AMOT: variants seen among roughly 807,000 people sequenced by gnomAD.
AMOT encodes the protein angiomotin.
A neutral mutation model predicts 67.0 loss-of-function variants in AMOT; 11 were observed. That is an observed-to-expected ratio of 0.16 (90% confidence interval 0.10 to 0.27). The LOEUF (loss-of-function observed/expected upper bound fraction) is 0.27. Among genes scored for constraint, AMOT ranks in the 10% least tolerant of loss-of-function variants. The pLI, the probability that AMOT is intolerant of heterozygous loss-of-function variation, is 1.00. For synonymous variants in AMOT, 326 were observed against 321.4 expected (o/e 1.01, Z -0.15); for missense variants, 753 against 852.0 (o/e 0.88, Z 1.45).
intron 10 of AMOT, among the ~76,000 whole-genome samples, chrX:112,786,804 G>C (rs776419000): frequency 8.9e-6 from 1 of 112,159 alleles, no homozygotes; most frequent in South Asian, 3.7e-4. Context: ...TAAATAAAAT[G>C]AAAGAAATAA....
intron 4 of AMOT, among the ~76,000 whole-genome samples, chrX:112,819,055 A>T (rs962678371): frequency 2.7e-5 from 3 of 110,767 alleles, no homozygotes; most frequent in African/African-American, 9.9e-5. Flanking sequence ...CAAAGCTGGG[A>T]AGTGGGGTAG....
At chrX:112,823,726 T>C (rs1465903444) in intron 3 of AMOT, among the ~76,000 whole-genome samples, 2 of 112,287 alleles carry the variant, frequency 1.8e-5, no homozygotes, top group Non-Finnish European at 3.8e-5. Flanking sequence ...CCTGCCTCGA[T>C]GCAAATCTTT....
chrX:112,836,328 C>T (rs189742827), intron 1 of AMOT, among the ~76,000 whole-genome samples: 106 of 111,874 alleles, frequency 9.5e-4, no homozygotes, highest in African/African-American at 3.3e-3. Flanking sequence ...AATTAACAGC[C>T]TTGCTAGATA....
intron 10 of AMOT, 24 bp downstream of exon 10, chrX:112,790,568 A>G: frequency 8.6e-7 from 1 of 1,164,789 alleles, no homozygotes; most frequent in Non-Finnish European, 1.1e-6. Flanking sequence ...CTTCCCACTC[A>G]TGCCCTACCA....
intron 10 of AMOT, among the ~76,000 whole-genome samples, chrX:112,788,754 A>C (rs1465099597): frequency 1.8e-5 from 2 of 112,413 alleles, no homozygotes; most frequent in Non-Finnish European, 3.8e-5. Flanking sequence ...GAACTATTGG[A>C]AAGTGTTCTT....
chrX:112,836,199 C>T (rs977699958), intron 1 of AMOT, among the ~76,000 whole-genome samples: 3 of 111,723 alleles, frequency 2.7e-5, no homozygotes, highest in Admixed American at 9.5e-5. Flanking sequence ...GGGATTTCAC[C>T]ATACAGTGAC....
Position 112,805,178 on chromosome X carries a change from C to A in AMOT, c.1631-86G>T. ...CAAAATTGACACATCATACCCTTTACTAGATAGCCTACTGCTCTAGTGCAC... is the reference window on the plus strand; with the variant it reads ...CAAAATTGACACATCATACCCTTTAATAGATAGCCTACTGCTCTAGTGCAC... On this transcript the variant is annotated intron_variant, in intron 7 of 13. Coordinates refer to ENST00000371959, the MANE Select transcript of AMOT (RefSeq NM_001113490.2). 5 of 1,079,339 alleles carry A rather than the reference C, an allele frequency of 4.6e-6. No homozygotes were observed. In the Admixed American group the frequency reaches 1.2e-4, roughly 25 times the overall value. 88.9% of individuals were successfully genotyped at this position (1,079,339 alleles called of 1,213,427 possible).
At chrX:112,821,685 G>A (rs1014788221) in intron 4 of AMOT, among the ~76,000 whole-genome samples, 1 of 111,659 alleles carries the variant, frequency 9.0e-6, no homozygotes, top group Non-Finnish European at 1.9e-5. Context: ...TAAACTGCAA[G>A]CATAAGGCAA....
chrX:112,801,735 T>A (rs1470684103), intron 8 of AMOT, among the ~76,000 whole-genome samples: 3 of 112,273 alleles, frequency 2.7e-5, no homozygotes, highest in Non-Finnish European at 5.6e-5. Flanking sequence ...GAGAAAGACA[T>A]AAATAAATGC....
chrX:112,805,211 G>A lies in AMOT; in HGVS notation c.1631-119C>T. 4 of 847,430 alleles carry A rather than the reference G, an allele frequency of 4.7e-6. No individual in the cohort carries two copies. The South Asian group carries it at 1.2e-4, about 24-fold the overall frequency. The allele number at this position is 847,430 out of a possible 1,213,427, so 69.8% of individuals were successfully genotyped here. A position where few individuals can be genotyped will look rare whatever the true frequency, so the allele number is the denominator to read the frequency against. ...CCTACTGCTCTAGTGCACAGCTGAA[G>A]AACCAGTATACCCAAGATCTGGACT... On this transcript the variant is annotated intron_variant, in intron 7 of 13. Coordinates refer to ENST00000371959, the MANE Select transcript of AMOT (RefSeq NM_001113490.2).
chrX:112,807,630 A>G (rs947906487), intron 7 of AMOT, among the ~76,000 whole-genome samples: 1 of 111,935 alleles, frequency 8.9e-6, no homozygotes, highest in Non-Finnish European at 1.9e-5. Context: ...ACAATGCTAG[A>G]TGGTAAAACA....
chrX:112,775,515 A>T lies in AMOT; in HGVS notation c.*3052T>A, dbSNP rs1179690380. Reference sequence around the variant, plus strand: ...CACCCAACAGTGTAACAACAAAAAGAGAACATGATGGGTCTCTGGGTATCT... The same window carrying T: ...CACCCAACAGTGTAACAACAAAAAGTGAACATGATGGGTCTCTGGGTATCT... On this transcript the variant is annotated 3_prime_UTR_variant, in exon 14 of 14. Coordinates refer to ENST00000371959, the MANE Select transcript of AMOT (RefSeq NM_001113490.2). 1 of 112,293 alleles carries T rather than the reference A, an allele frequency of 8.9e-6. No homozygotes were observed. Among genetic ancestry groups the T allele is most frequent in the Non-Finnish European group, 1.9e-5 (1 of 53,222 alleles). The allele number at this position is 112,293 out of a possible 1,213,427, so 9.3% of individuals were successfully genotyped here.
chrX:112,809,547 AAC>A (rs1015400752), intron 7 of AMOT, among the ~76,000 whole-genome samples: 5 of 111,467 alleles, frequency 4.5e-5, no homozygotes, highest in African/African-American at 1.6e-4. Flanking sequence ...TACCAGAGCC[AAC>A]ACACAGTTTC....
chrX:112,806,318 CACACGTTTTATACATATGTATATAT>C (rs1269407997), intron 7 of AMOT, among the ~76,000 whole-genome samples: 1 of 102,726 alleles, frequency 9.7e-6, no homozygotes, highest in Non-Finnish European at 2.0e-5. Context: ...TGCTTACACA[CACACGTTTTATACATATGTATATAT>C]ACATATGTAT....
At chrX:112,838,379 T>C (rs1935183410) in intron 1 of AMOT, among the ~76,000 whole-genome samples, 1 of 111,968 alleles carries the variant, frequency 8.9e-6, no homozygotes, top group African/African-American at 3.3e-5. Context: ...GACACCCTTT[T>C]AAAGAAGGCG....
In AMOT at chrX:112,822,401, A is replaced by G. The variant is rs1259348695; in HGVS notation, c.726T>C (p.Tyr242=). Residue 242 remains tyrosine, a synonymous_variant, in exon 4 of 14, where the codon TAT becomes TAC. Coordinates refer to ENST00000371959, the MANE Select transcript of AMOT (RefSeq NM_001113490.2). ...ATTGGGGTGGCATGCCCTTGAAGGG[A>G]TATTCTGGTGGGGGGCCTCGGTGTT... ...GMEHRGPPPE[Y]PFKGMPPQSV... 2 of 1,165,167 alleles carry G rather than the reference A, an allele frequency of 1.7e-6. No homozygotes were observed. The highest frequency in any genetic ancestry group is 6.5e-5 in the East Asian group (2 of 30,659).
At chrX:112,811,146 G>A in intron 6 of AMOT, 103 bp downstream of exon 6, 1 of 1,096,903 alleles carries the variant, frequency 9.1e-7, no homozygotes, top group Non-Finnish European at 1.2e-6. Flanking sequence ...ATACCGGTGG[G>A]TTGGACAACC....
chrX:112,837,336 T>C lies in AMOT; in HGVS notation c.-289+3116A>G, dbSNP rs548313431. Among the ~76,000 whole-genome samples the C allele has an allele frequency of 1.4e-4, 16 of 111,993 alleles. No homozygotes were observed. The South Asian group carries it at 5.6e-3, about 39-fold the overall frequency. ...AAGCGATAATCATTACAAATTCTTA[T>C]GTATTCCTTTATGCAATAAATATGC... On this transcript the variant is annotated intron_variant, in intron 1 of 13. Coordinates refer to ENST00000371959, the MANE Select transcript of AMOT (RefSeq NM_001113490.2).
At chrX:112,807,639 C>T (rs1203268607) in intron 7 of AMOT, among the ~76,000 whole-genome samples, 1 of 111,239 alleles carries the variant, frequency 9.0e-6, no homozygotes, top group Non-Finnish European at 1.9e-5. Context: ...GATGGTAAAA[C>T]AGAGGTAACA....
Sources: allele counts gnomAD v4.1 joint callset (sites outside exome capture counted in the v4.1 genomes callset), GRCh38; gene constraint gnomAD v4.1.1; transcripts MANE v1.5; gene names NCBI Gene and HGNC (gene_info 2026-07-23, HGNC 2026-07-21).